The following SLC24A2 variants were observed in gnomAD, a reference collection of about 807,000 sequenced individuals.
SLC24A2 encodes solute carrier family 24 member 2.
A neutral mutation model predicts 62.0 loss-of-function variants in SLC24A2; 36 were observed. That is an observed-to-expected ratio of 0.58 (90% CI 0.44 to 0.77). The LOEUF is 0.77. Among genes scored for constraint, SLC24A2 ranks in the 30% least tolerant of loss-of-function variants. The pLI, the probability that SLC24A2 is intolerant of heterozygous loss-of-function variation, is 0.00. For synonymous variants in SLC24A2, 358 were observed against 294.0 expected, an observed-to-expected ratio of 1.22 and a Z score of -2.23; for missense variants, 846 against 817.9, an observed-to-expected ratio of 1.03 and a Z score of -0.42.
At chr9:19,994,184 T>A in the SLC24A2 span, among the ~76,000 whole-genome samples, 10 of 152,116 alleles carry the variant, frequency 6.6e-5, no homozygotes, top group African/African-American at 2.4e-4. Flanking sequence ...GTGATGACAA[T>A]CTCCTTCGTC....
At chr9:19,958,877 T>C in the SLC24A2 span, among the ~76,000 whole-genome samples, 1 of 152,226 alleles carries the variant, frequency 6.6e-6, no homozygotes. Context: ...TTATATTCAA[T>C]TAAATCCAAC....
chr9:20,257,231 T>C, the SLC24A2 span, among the ~76,000 whole-genome samples: 1 of 152,106 alleles, frequency 6.6e-6, no homozygotes, highest in Non-Finnish European at 1.5e-5. Context: ...CAATTGCAAT[T>C]AGTGATAAAT....
chr9:20,276,079 G>C, the SLC24A2 span, among the ~76,000 whole-genome samples: 1 of 152,044 alleles, frequency 6.6e-6, no homozygotes, highest in Non-Finnish European at 1.5e-5. Context: ...CAAATATCAT[G>C]TCCTCACATT....
chr9:19,886,695 T>G, the SLC24A2 span, among the ~76,000 whole-genome samples: 1 of 152,206 alleles, frequency 6.6e-6, no homozygotes, highest in African/African-American at 2.4e-5. Context: ...AGCAATCCCA[T>G]TACTGGGTAT....
the SLC24A2 span, among the ~76,000 whole-genome samples, chr9:20,027,672 A>C: frequency 6.6e-6 from 1 of 152,138 alleles, no homozygotes; most frequent in Non-Finnish European, 1.5e-5. Context: ...AGGGATGGGG[A>C]GGTGTTTGTC....
chr9:20,098,950 GA>G, the SLC24A2 span, among the ~76,000 whole-genome samples: 44 of 152,256 alleles, frequency 2.9e-4, no homozygotes, highest in East Asian at 4.1e-3. Context: ...ATTGATTTAG[GA>G]TATACACAAC....
chr9:19,799,619 T>G, the SLC24A2 span, among the ~76,000 whole-genome samples: 2 of 152,340 alleles, frequency 1.3e-5, no homozygotes, highest in Non-Finnish European at 2.9e-5. Context: ...ATGAGCCAGA[T>G]CTTGCCTTAA....
At chr9:20,048,853 C>T in the SLC24A2 span, among the ~76,000 whole-genome samples, 39 of 151,934 alleles carry the variant, frequency 2.6e-4, no homozygotes, top group African/African-American at 8.7e-4. Flanking sequence ...TTCCCCACCC[C>T]CATCCTATTT....
chr9:20,286,408 ATTTCCTTG>A, the SLC24A2 span, among the ~76,000 whole-genome samples: 5 of 152,216 alleles, frequency 3.3e-5, no homozygotes, highest in Non-Finnish European at 7.3e-5. Context: ...TTCTTTGCTT[ATTTCCTTG>A]TACTAACAAG....
At chr9:19,760,919 G>A (rs10811239) in intron 2 of SLC24A2, among the ~76,000 whole-genome samples, 6,747 of 142,042 alleles carry the variant, frequency 0.048, 188 homozygotes, top group East Asian at 0.1. Flanking sequence ...GTTGCCGGGT[G>A]GGGGGAGGGT....
the SLC24A2 span, among the ~76,000 whole-genome samples, chr9:19,936,960 C>G: frequency 6.6e-5 from 10 of 152,112 alleles, no homozygotes; most frequent in Non-Finnish European, 1.2e-4. Flanking sequence ...ACCTTAAATT[C>G]TTCTGTCCTC....
intron 2 of SLC24A2, among the ~76,000 whole-genome samples, chr9:19,667,497 C>T (rs1039625943): frequency 1.3e-5 from 2 of 152,130 alleles, no homozygotes; most frequent in Admixed American, 6.5e-5. Flanking sequence ...TTCTTTCCAC[C>T]CCTATGTTTG....
At chr9:20,182,456 T>C in the SLC24A2 span, among the ~76,000 whole-genome samples, 1 of 152,152 alleles carries the variant, frequency 6.6e-6, no homozygotes, top group Non-Finnish European at 1.5e-5. Context: ...TATGCAGCCA[T>C]AAAAAATGAT....
chr9:19,720,102 G>T (rs1373843013), intron 2 of SLC24A2, among the ~76,000 whole-genome samples: 1 of 152,290 alleles, frequency 6.6e-6, no homozygotes, highest in African/African-American at 2.4e-5. Context: ...TATTAGGTTG[G>T]TGCACAAGTA....
the SLC24A2 span, among the ~76,000 whole-genome samples, chr9:20,044,376 T>A: frequency 6.6e-6 from 1 of 152,146 alleles, no homozygotes; most frequent in African/African-American, 2.4e-5. Flanking sequence ...GAACCTACCA[T>A]TTCTGCTCTG....
chr9:19,528,230 T>C, intron 8 of SLC24A2, 92 bp from the exon 9 acceptor site: 3 of 836,230 alleles, frequency 3.6e-6, no homozygotes, highest in Non-Finnish European at 6.0e-6. Context: ...TGTAGCAATT[T>C]CTCTAGCATT....
At chr9:20,092,584 T>C in the SLC24A2 span, among the ~76,000 whole-genome samples, 2 of 152,236 alleles carry the variant, frequency 1.3e-5, no homozygotes, top group African/African-American at 2.4e-5. Context: ...CTTTTGCTTT[T>C]CTTATTCTGA....
the SLC24A2 span, among the ~76,000 whole-genome samples, chr9:20,188,074 G>A: frequency 4.1e-4 from 63 of 152,298 alleles, no homozygotes; most frequent in East Asian, 0.011. Flanking sequence ...TCCCCACCTG[G>A]CCTCTTGGAT....
intron 2 of SLC24A2, among the ~76,000 whole-genome samples, chr9:19,644,670 C>G (rs1424817224): frequency 2.6e-5 from 4 of 151,990 alleles, no homozygotes; most frequent in Non-Finnish European, 2.9e-5. Flanking sequence ...TTGACCTTGG[C>G]TTATGTATAT....
Sources: gnomAD v4.1 joint callset for allele counts (sites outside exome capture counted in the v4.1 genomes callset) on GRCh38, gnomAD v4.1.1 for gene constraint, MANE v1.5 for transcripts, NCBI Gene and HGNC (gene_info 2026-07-23, HGNC 2026-07-21) for gene names.